The following USP25 variants were observed in gnomAD, a reference collection of about 807,000 sequenced individuals.
The protein encoded by USP25 is ubiquitin specific peptidase 25, also known as ubiquitin carboxyl-terminal hydrolase 25.
Under a neutral mutation model 158.5 loss-of-function variants are expected in USP25, and 85 were observed. The observed-to-expected ratio is 0.54, with a 90% CI of 0.45 to 0.64. USP25 has a LOEUF of 0.64. USP25 is among the 30% of genes least tolerant of loss of function. The pLI is 0.00. For missense variants in USP25, 1,242 were observed against 1,327.3 expected (o/e 0.94, Z 1.00); for synonymous variants, 464 against 460.4 (o/e 1.01, Z -0.10).
chr21:15,799,854 A>G lies in USP25; in HGVS notation c.642+11A>G, dbSNP rs200557855. 2.6e-5 allele frequency: 42 copies of G among 1,597,042 alleles called. No homozygotes were observed. The highest frequency in any genetic ancestry group is 1.4e-4 in the Admixed American group (8 of 58,276). On this transcript the variant is annotated intron_variant, in intron 6 of 25. Transcript: ENST00000400183. ...CCCCGAAACCAAAAGGTAAAATTCA[A>G]AAGATTTTTTTAAGCAGTATATATA...
At chr21:15,751,960 G>A (rs1002680818) in intron 1 of USP25, among the ~76,000 whole-genome samples, 2 of 152,198 alleles carry the variant, frequency 1.3e-5, no homozygotes, top group Non-Finnish European at 2.9e-5. Context: ...TTAAGACAGA[G>A]ATTTGCTCTT....
At chr21:15,785,843 C>T (rs140967763) in intron 4 of USP25, among the ~76,000 whole-genome samples, 4 of 148,754 alleles carry the variant, frequency 2.7e-5, no homozygotes, top group African/African-American at 9.9e-5. Context: ...ACTAAAAGAG[C>T]AATTCAAAAG....
chr21:15,871,883 C>T (rs1002806042), intron 23 of USP25, among the ~76,000 whole-genome samples: 6 of 151,480 alleles, frequency 4.0e-5, no homozygotes, highest in African/African-American at 1.5e-4. Context: ...CCCAGCTACT[C>T]AGGAGGCTGA....
At chr21:15,842,887 T>C (rs1482468699) in intron 18 of USP25, among the ~76,000 whole-genome samples, 1 of 152,158 alleles carries the variant, frequency 6.6e-6, no homozygotes, top group African/African-American at 2.4e-5. Context: ...TGTAATCTGA[T>C]TACATGGGAA....
intron 17 of USP25, among the ~76,000 whole-genome samples, chr21:15,835,308 G>C (rs2038010899): frequency 6.6e-6 from 1 of 152,046 alleles, no homozygotes; most frequent in Admixed American, 6.6e-5. Context: ...CATCCTGTCT[G>C]TTTCTCATCT....
chr21:15,868,306 T>C (rs551326766), intron 22 of USP25, among the ~76,000 whole-genome samples: 20 of 152,294 alleles, frequency 1.3e-4, no homozygotes, highest in African/African-American at 3.1e-4. Context: ...ATTTGTTTTC[T>C]CTTGACCCTG....
At chr21:15,769,550 T>A (rs2123449542) in intron 3 of USP25, among the ~76,000 whole-genome samples, 1 of 152,222 alleles carries the variant, frequency 6.6e-6, no homozygotes, top group African/African-American at 2.4e-5. Flanking sequence ...ATAAAATTGT[T>A]TTGGAGTTTT....
intron 9 of USP25, among the ~76,000 whole-genome samples, chr21:15,817,521 T>C (rs2037001713): frequency 6.6e-6 from 1 of 152,136 alleles, no homozygotes; most frequent in South Asian, 2.1e-4. Context: ...TTAGTCCATT[T>C]ACATGCTGCT....
intron 23 of USP25, 65 bp downstream of exon 23, chr21:15,870,212 C>A: frequency 9.3e-7 from 1 of 1,076,464 alleles, no homozygotes; most frequent in Non-Finnish European, 1.4e-6. Flanking sequence ...TCAGGTGTGA[C>A]CTCATCCATG....
chr21:15,741,285 G>GA (rs1264495543), intron 1 of USP25, among the ~76,000 whole-genome samples: 1 of 140,150 alleles, frequency 7.1e-6, no homozygotes, highest in Non-Finnish European at 1.5e-5. Flanking sequence ...ACCTTTTGAT[G>GA]TACTTTTTTT....
Position 15,790,879 on chromosome 21 carries a change from T to C in USP25, c.393-623T>C, listed in dbSNP as rs2035554271. Among the ~76,000 whole-genome samples the C allele has an allele frequency of 2.0e-5, 3 of 151,956 alleles. No homozygotes were observed. The South Asian group carries it at 6.2e-4, about 31-fold the overall frequency. On this transcript the variant is annotated intron_variant, in intron 4 of 25. Coordinates refer to ENST00000400183, the MANE Select transcript of USP25 (RefSeq NM_001283041.3). ...GTTTATTTTGGAAAGGTTAACTATC[T>C]TTTGTTATTCTAATATGTATTCTAA...
intron 3 of USP25, among the ~76,000 whole-genome samples, chr21:15,775,261 GT>G (rs2034573245): frequency 1.3e-5 from 2 of 152,130 alleles, no homozygotes; most frequent in Admixed American, 6.5e-5. Context: ...TTTTAAATTA[GT>G]TTCGGCTATA....
At chr21:15,828,168 T>A (rs1601050251) in intron 14 of USP25, among the ~76,000 whole-genome samples, 1 of 152,172 alleles carries the variant, frequency 6.6e-6, no homozygotes, top group East Asian at 1.9e-4. Context: ...AAGAAGTACA[T>A]AAGGTATGAT....
chr21:15,844,113 T>C (rs1364185719), intron 18 of USP25, among the ~76,000 whole-genome samples: 2 of 152,132 alleles, frequency 1.3e-5, no homozygotes, highest in East Asian at 3.8e-4. Context: ...CATTTAATTG[T>C]TTTCTGGAGT....
At chr21:15,862,932 A>G (rs2039494894) in intron 20 of USP25, among the ~76,000 whole-genome samples, 4 of 152,124 alleles carry the variant, frequency 2.6e-5, no homozygotes, top group Middle Eastern at 3.4e-3. Context: ...CATCTGTACA[A>G]TACAACCATA....
At chr21:15,779,924 T>A (rs553788138) in intron 4 of USP25, among the ~76,000 whole-genome samples, 187 of 152,174 alleles carry the variant, frequency 1.2e-3, no homozygotes, top group African/African-American at 4.4e-3. Context: ...ATGCAAAATA[T>A]GCATTTAATA....
chr21:15,790,889 C>T (rs923662828), intron 4 of USP25, among the ~76,000 whole-genome samples: 3 of 151,830 alleles, frequency 2.0e-5, no homozygotes, highest in African/African-American at 7.2e-5. Context: ...TTTTGTTATT[C>T]TAATATGTAT....
At chr21:15,805,594 G>A (rs2036343387) in intron 7 of USP25, 1 of 167,784 alleles carries the variant, frequency 6.0e-6, no homozygotes, top group African/African-American at 2.4e-5. Flanking sequence ...CTGGCAGGGA[G>A]TACTTTTCCT....
intron 7 of USP25, among the ~76,000 whole-genome samples, chr21:15,808,289 G>A (rs527904367): frequency 6.6e-6 from 1 of 152,286 alleles, no homozygotes; most frequent in East Asian, 1.9e-4. Flanking sequence ...GGTGAAAGGT[G>A]ATAAATGGGC....
Sources: allele counts gnomAD v4.1 joint callset (sites outside exome capture counted in the v4.1 genomes callset), GRCh38; gene constraint gnomAD v4.1.1; transcripts MANE v1.5; gene names NCBI Gene and HGNC (gene_info 2026-07-23, HGNC 2026-07-21).